WIPF3: variants seen among roughly 807,000 people sequenced by gnomAD.
The protein encoded by WIPF3 is WAS/WASL interacting protein family member 3.
A neutral mutation model predicts 38.9 loss-of-function variants in WIPF3; 33 were observed. The observed-to-expected ratio is 0.85, with a 90% CI of 0.64 to 1.14. WIPF3 has a LOEUF of 1.14. WIPF3 is among the 50% of genes most tolerant of loss of function. The probability of loss-of-function intolerance (pLI) is 0.00; values close to 1 mark genes in which losing one functional copy is unlikely to be tolerated. For missense variants in WIPF3, 711 were observed against 652.5 expected, an observed-to-expected ratio of 1.09 and a Z score of -0.98; for synonymous variants, 324 against 269.3, an observed-to-expected ratio of 1.20 and a Z score of -1.99.
At chr7:29,896,138 CT>C (rs1248910253) in intron 7 of WIPF3, among the ~76,000 whole-genome samples, 1 of 152,124 alleles carries the variant, frequency 6.6e-6, no homozygotes, top group African/African-American at 2.4e-5. Context: ...AAGACTCTGT[CT>C]TTACAGAAAA....
chr7:29,859,742 A>G (rs1255554540), intron 2 of WIPF3, among the ~76,000 whole-genome samples: 10 of 152,068 alleles, frequency 6.6e-5, no homozygotes, highest in Admixed American at 5.9e-4. Context: ...ACCCCAGCTG[A>G]TATCTGCTTG....
intron 2 of WIPF3, among the ~76,000 whole-genome samples, chr7:29,838,007 C>G (rs1180520245): frequency 6.6e-6 from 1 of 152,352 alleles, no homozygotes; most frequent in East Asian, 1.9e-4. Context: ...CAAGCTCCTC[C>G]TCCCAGGTTC....
At position 29,884,185 on chromosome 7, in the gene WIPF3, C is replaced by T. The variant is rs1243104051; in HGVS notation, c.691C>T (p.Pro231Ser). 2 of 1,515,570 alleles carry T rather than the reference C, an allele frequency of 1.3e-6. No homozygotes were observed. The highest frequency in any genetic ancestry group is 1.2e-5 in the South Asian group (1 of 80,444). The allele number at this position is 1,515,570 out of a possible 1,614,324, so 93.9% of individuals were successfully genotyped here. A position where few individuals can be genotyped will look rare whatever the true frequency, so the allele number is the denominator to read the frequency against. The change falls in exon 5 of 9, where the codon CCC becomes TCC. Residue 231 changes from proline to serine, a missense_variant. Pro to Ser is a moderately conservative substitution (Grantham distance 74). Coordinates refer to ENST00000242140, the MANE Select transcript of WIPF3 (RefSeq NM_001080529.3). The part of the protein sequence containing the change: ...CAPPPPPPPP[P>S]PTPPPLPPAS... ...GCCACCACCTCCACCTCCGCCACCT[C>T]CCCCAACGCCACCCCCGCTGCCCCC...
chr7:29,820,483 T>A (rs1287697574), intron 1 of WIPF3, among the ~76,000 whole-genome samples: 3 of 152,130 alleles, frequency 2.0e-5, no homozygotes, highest in African/African-American at 7.2e-5. Context: ...TTTTACATGA[T>A]CTGTTTTTTT....
chr7:29,892,363 C>G lies in WIPF3; in HGVS notation c.1351+2956C>G, dbSNP rs576664949. On this transcript the variant is annotated intron_variant, in intron 7 of 8. Transcript: ENST00000242140. ...GCCAGGCTGCACGGGGCTGCCTGCA[C>G]ATGAACCTATGGAGACAAGGAGATA... is the stretch of plus-strand genomic sequence containing the variant. Among the ~76,000 whole-genome samples the G allele has an allele frequency of 3.9e-5, 6 of 152,332 alleles. No individual in the cohort carries two copies. In the South Asian group the frequency reaches 1.0e-3, roughly 26 times the overall value.
chr7:29,901,832 AAAAAAAAAAAAAAAAAAG>A (rs1786283669), intron 7 of WIPF3, among the ~76,000 whole-genome samples: 1 of 133,296 alleles, frequency 7.5e-6, no homozygotes, highest in Non-Finnish European at 1.6e-5. Flanking sequence ...TCTCAAAAAA[AAAAAAAAAAAAAAAAAAG>A]AAAGAAAGAA....
chr7:29,895,620 G>A (rs1008782458), intron 7 of WIPF3, among the ~76,000 whole-genome samples: 8 of 152,232 alleles, frequency 5.3e-5, no homozygotes, highest in African/African-American at 1.9e-4. Flanking sequence ...CAGTTCTGCA[G>A]GCTGTACAGG....
chr7:29,903,693 C>T (rs1194640427), intron 7 of WIPF3, among the ~76,000 whole-genome samples: 2 of 83,578 alleles, frequency 2.4e-5, no homozygotes, highest in African/African-American at 3.2e-5. Flanking sequence ...TATGGAAATA[C>T]CAAAAAGAAA....
At position 29,860,921 on chromosome 7, in the gene WIPF3, G is replaced by A. The variant is rs77755946; in HGVS notation, c.91-14909G>A. ...GATGCATAGGAGTGTGTTTGTGCACGGTGGGGAGCGGTGGGGGTGGGGCAG... is the reference window on the plus strand; with the variant it reads ...GATGCATAGGAGTGTGTTTGTGCACAGTGGGGAGCGGTGGGGGTGGGGCAG... On this transcript the variant is annotated intron_variant, in intron 2 of 8. Transcript: ENST00000242140. Among the ~76,000 whole-genome samples the A allele has an allele frequency of 7.2e-4, 109 of 152,186 alleles. No homozygotes were observed. In the East Asian group the frequency reaches 0.021, roughly 29 times the overall value.
At chr7:29,822,445 G>A (rs1179628880) in intron 1 of WIPF3, among the ~76,000 whole-genome samples, 1 of 152,184 alleles carries the variant, frequency 6.6e-6, no homozygotes, top group Non-Finnish European at 1.5e-5. Context: ...TGTCTTCTTG[G>A]CCTACCTCAT....
intron 7 of WIPF3, among the ~76,000 whole-genome samples, chr7:29,897,507 G>A (rs56289278): frequency 0.043 from 6,590 of 151,666 alleles, 165 homozygotes; most frequent in Middle Eastern, 0.11. Context: ...TCTTATTTTT[G>A]TTGTATAGTG....
chr7:29,857,356 A>G (rs559841709), intron 2 of WIPF3, among the ~76,000 whole-genome samples: 1 of 152,234 alleles, frequency 6.6e-6, no homozygotes, highest in African/African-American at 2.4e-5. Context: ...ATATAAATTG[A>G]TGAATTTATT....
At chr7:29,902,051 C>T (rs936899372) in intron 7 of WIPF3, among the ~76,000 whole-genome samples, 6 of 151,660 alleles carry the variant, frequency 4.0e-5, no homozygotes, top group African/African-American at 9.7e-5. Context: ...GCGTAGAGAC[C>T]GGGGATGCTA....
chr7:29,900,552 GACA>G (rs921880714), intron 7 of WIPF3, among the ~76,000 whole-genome samples: 8 of 152,134 alleles, frequency 5.3e-5, no homozygotes, highest in Non-Finnish European at 1.2e-4. Flanking sequence ...CCAAAATGAT[GACA>G]ACAACAGTGG....
At chr7:29,885,830 A>C (rs1018263589) in intron 5 of WIPF3, among the ~76,000 whole-genome samples, 2 of 152,284 alleles carry the variant, frequency 1.3e-5, no homozygotes, top group Middle Eastern at 6.8e-3. Context: ...GAGTAAATTA[A>C]GTAATTCAAT....
intron 1 of WIPF3, among the ~76,000 whole-genome samples, chr7:29,814,920 T>C (rs1784433449): frequency 6.6e-6 from 1 of 152,176 alleles, no homozygotes; most frequent in South Asian, 2.1e-4. Flanking sequence ...ATGTAAGTTA[T>C]TACCGCCCTA....
Position 29,834,828 on chromosome 7 carries a change from T to C in WIPF3, c.90+14T>C, listed in dbSNP as rs200958414. 1,681 of 1,536,974 alleles carry C rather than the reference T, an allele frequency of 1.1e-3. 9 individuals are homozygous for C. In the African/African-American group the frequency reaches 0.017, roughly 16 times the overall value. On this transcript the variant is annotated intron_variant, in intron 2 of 8. Coordinates refer to ENST00000242140, the MANE Select transcript of WIPF3 (RefSeq NM_001080529.3). The stretch of plus-strand genomic sequence containing the variant: ...TCAGCACCCCCGGTAAGACCTTTTT[T>C]TCTGATTGGTTTACTGTGGAGCATA...
intron 1 of WIPF3, among the ~76,000 whole-genome samples, chr7:29,825,800 G>C (rs1399538326): frequency 6.6e-6 from 1 of 152,152 alleles, no homozygotes; most frequent in African/African-American, 2.4e-5. Flanking sequence ...TTTCATATTA[G>C]ATGTGGTTAA....
intron 8 of WIPF3, among the ~76,000 whole-genome samples, chr7:29,911,644 A>C (rs962413126): frequency 6.6e-6 from 1 of 152,202 alleles, no homozygotes; most frequent in Non-Finnish European, 1.5e-5. Context: ...TGTATGGTCA[A>C]ATGATTTTAA....
Sources: gnomAD v4.1 joint callset for allele counts (sites outside exome capture counted in the v4.1 genomes callset) on GRCh38, gnomAD v4.1.1 for gene constraint, MANE v1.5 for transcripts, NCBI Gene and HGNC (gene_info 2026-07-23, HGNC 2026-07-21) for gene names.